The following ARL15 variants were observed in gnomAD, a reference collection of about 807,000 sequenced individuals.
ARL15 encodes the protein ADP-ribosylation factor-like protein 15.
ARL15 carries 19 observed loss-of-function variants against 25.2 expected under a neutral mutation model. That is an observed-to-expected ratio of 0.75 (90% CI 0.53 to 1.10). ARL15 has a LOEUF of 1.10. Ranked by LOEUF, ARL15 falls within the 50% of genes least tolerant of loss-of-function variation. The probability of loss-of-function intolerance (pLI) is 0.00; values close to 1 mark genes in which losing one functional copy is unlikely to be tolerated. For missense variants in ARL15, 220 were observed against 246.0 expected (o/e 0.89, Z 0.71); for synonymous variants, 94 against 86.8 (o/e 1.08, Z -0.46).
At chr5:54,175,229 AT>A (rs996009959) in intron 1 of ARL15, among the ~76,000 whole-genome samples, 58 of 152,134 alleles carry the variant, frequency 3.8e-4, no homozygotes, top group African/African-American at 1.3e-3. Flanking sequence ...ATTAATATCT[AT>A]TTTACCTGTT....
At chr5:54,143,391 ATTACTTTAAGTACTTTCTT>A (rs1048734365) in intron 3 of ARL15, among the ~76,000 whole-genome samples, 7 of 151,908 alleles carry the variant, frequency 4.6e-5, no homozygotes, top group Non-Finnish European at 8.8e-5. Context: ...TTCATCTCAT[ATTACTTTAAGTACTTTCTT>A]TTTTATGGCC....
At chr5:54,258,708 G>A (rs955688776) in intron 1 of ARL15, among the ~76,000 whole-genome samples, 1 of 152,154 alleles carries the variant, frequency 6.6e-6, no homozygotes, top group African/African-American at 2.4e-5. Flanking sequence ...CAGATCAGAA[G>A]GGGAATGGAA....
chr5:54,219,584 T>G (rs1756311360), intron 1 of ARL15, among the ~76,000 whole-genome samples: 1 of 152,184 alleles, frequency 6.6e-6, no homozygotes, highest in Admixed American at 6.5e-5. Flanking sequence ...TTTGGGAACT[T>G]TTTTTGTAAG....
chr5:54,002,602 A>G (rs1479966936), intron 4 of ARL15, among the ~76,000 whole-genome samples: 1 of 152,228 alleles, frequency 6.6e-6, no homozygotes, highest in African/African-American at 2.4e-5. Context: ...GCGCACTGCC[A>G]AAAAATAGGA....
intron 4 of ARL15, among the ~76,000 whole-genome samples, chr5:53,986,703 T>G (rs911344827): frequency 6.6e-6 from 1 of 152,224 alleles, no homozygotes; most frequent in African/African-American, 2.4e-5. Flanking sequence ...GAGACAGAGT[T>G]TCAACTTTGT....
intron 4 of ARL15, 126 bp from the exon 5 acceptor site, chr5:53,886,839 C>G (rs1744542327): frequency 8.1e-6 from 7 of 862,748 alleles, no homozygotes; most frequent in Non-Finnish European, 1.2e-5. Context: ...ATGCCTACAA[C>G]TTTGCAATGT....
At chr5:54,260,201 CTTCT>C (rs760119976) in intron 1 of ARL15, among the ~76,000 whole-genome samples, 3 of 152,186 alleles carry the variant, frequency 2.0e-5, no homozygotes, top group Non-Finnish European at 4.4e-5. Context: ...ACTCTGCACT[CTTCT>C]TTCTTTCCTT....
intron 4 of ARL15, chr5:53,887,502 A>C (rs1231744356): frequency 1.6e-6 from 1 of 621,054 alleles, no homozygotes; most frequent in African/African-American, 1.9e-5. Context: ...GGCATTTAGT[A>C]TTACCAATTC....
chr5:53,940,093 C>T (rs1746492295), intron 4 of ARL15, among the ~76,000 whole-genome samples: 3 of 151,916 alleles, frequency 2.0e-5, no homozygotes, highest in South Asian at 4.2e-4. Flanking sequence ...ATTCTCCTGC[C>T]TCAGCCTCCC....
intron 2 of ARL15, among the ~76,000 whole-genome samples, chr5:54,169,650 T>C (rs1418530395): frequency 6.6e-6 from 1 of 152,222 alleles, no homozygotes; most frequent in Non-Finnish European, 1.5e-5. Context: ...TGACAGACTC[T>C]GGGTATACAA....
At chr5:54,047,908 A>T (rs989357067) in intron 4 of ARL15, 2 of 152,296 alleles carry the variant, frequency 1.3e-5, no homozygotes, top group Non-Finnish European at 2.9e-5. Flanking sequence ...AATTTACCCT[A>T]TATCTTTCTC....
intron 4 of ARL15, among the ~76,000 whole-genome samples, chr5:53,920,032 G>C (rs1026282198): frequency 1.3e-5 from 2 of 152,188 alleles, no homozygotes; most frequent in Non-Finnish European, 2.9e-5. Context: ...ACTGCCCAGA[G>C]TAGGTGCTCA....
chr5:54,265,324 T>C (rs1405401154), intron 1 of ARL15, among the ~76,000 whole-genome samples: 3 of 152,246 alleles, frequency 2.0e-5, no homozygotes, highest in South Asian at 2.1e-4. Flanking sequence ...TAGTTTCCTT[T>C]AGAAAGTTAC....
At chr5:54,227,011 C>T (rs1311001917) in intron 1 of ARL15, among the ~76,000 whole-genome samples, 1 of 152,150 alleles carries the variant, frequency 6.6e-6, no homozygotes, top group Admixed American at 6.5e-5. Context: ...TGTAAGACAT[C>T]CCTTGCTTTT....
intron 3 of ARL15, among the ~76,000 whole-genome samples, chr5:54,148,152 T>G (rs1318641425): frequency 6.6e-6 from 1 of 152,088 alleles, no homozygotes; most frequent in East Asian, 1.9e-4. Context: ...AGACAGAAAC[T>G]AAAAGAAATA....
At position 54,125,282 on chromosome 5, in the gene ARL15, C is replaced by T. The variant is rs538608101; in HGVS notation, c.254-11872G>A. Reference sequence around the variant, plus strand: ...CTCCTGACCTCAGGTGATCTGCCTGCCTTGGCCTCCCAAAGTGTTGGGATT... The same window carrying T: ...CTCCTGACCTCAGGTGATCTGCCTGTCTTGGCCTCCCAAAGTGTTGGGATT... On this transcript the variant is annotated intron_variant, in intron 3 of 4. Transcript: ENST00000504924. Among the ~76,000 whole-genome samples, 4 of 152,156 alleles carry T rather than the reference C, an allele frequency of 2.6e-5. No homozygotes were observed. In the East Asian group the frequency reaches 7.7e-4, roughly 29 times the overall value.
At chr5:54,300,639 T>C (rs555136729) in intron 1 of ARL15, among the ~76,000 whole-genome samples, 43 of 152,376 alleles carry the variant, frequency 2.8e-4, no homozygotes, top group Admixed American at 7.8e-4. Context: ...CTGAGATCTA[T>C]TCTGTTGTCA....
chr5:54,138,837 C>T (rs1301630202), intron 3 of ARL15, among the ~76,000 whole-genome samples: 2 of 151,880 alleles, frequency 1.3e-5, no homozygotes, highest in African/African-American at 4.8e-5. Flanking sequence ...AAAAACAATC[C>T]TATCAAAAAA....
At chr5:53,909,375 G>A in intron 4 of ARL15, among the ~76,000 whole-genome samples, 1 of 152,216 alleles carries the variant, frequency 6.6e-6, no homozygotes, top group Middle Eastern at 3.4e-3. Context: ...AAAATAATAA[G>A]TGACTATAGT....
Sources: gnomAD v4.1 joint callset for allele counts (sites outside exome capture counted in the v4.1 genomes callset) on GRCh38, gnomAD v4.1.1 for gene constraint, MANE v1.5 for transcripts, NCBI Gene and HGNC (gene_info 2026-07-23, HGNC 2026-07-21) for gene names.